Variants in ZBTB7C observed in about 807,000 individuals in gnomAD.
ZBTB7C encodes zinc finger and BTB domain-containing protein 7C.
A neutral mutation model predicts 25.7 loss-of-function variants in ZBTB7C; 8 were observed. That is an observed-to-expected ratio of 0.31 (90% CI 0.18 to 0.56). The LOEUF is 0.56. Among genes scored for constraint, ZBTB7C ranks in the 20% least tolerant of loss-of-function variants. ZBTB7C has a pLI of 0.91. For synonymous variants in ZBTB7C, 394 were observed against 369.0 expected (o/e 1.07, Z -0.78); for missense variants, 824 against 855.2 (o/e 0.96, Z 0.46).
chr18:48,069,049 C>T (rs75821923), intron 3 of ZBTB7C, among the ~76,000 whole-genome samples: 3,793 of 152,308 alleles, frequency 0.025, 90 homozygotes, highest in South Asian at 0.089. Context: ...CCAGGTAGGC[C>T]GCCTCTGCTC....
chr18:48,368,242 C>CAA lies in ZBTB7C; in HGVS notation c.-303-29846_-303-29845dup, dbSNP rs780636646. On this transcript the variant is annotated intron_variant, in intron 1 of 4. Transcript: ENST00000590800. ...ACCAATGAAAAGGAAGAAAGCCTAG[C>CAA]AAAAAAAAAAAAAAAATCAAATATA... Among the ~76,000 whole-genome samples the CAA allele has an allele frequency of 4.6e-3, 440 of 95,446 alleles. 5 individuals carry two copies. The highest frequency in any genetic ancestry group is 0.023 in the Admixed American group (218 of 9,492). 62.6% of individuals were successfully genotyped at this position (95,446 alleles called of 152,430 possible). A position where few individuals can be genotyped will look rare whatever the true frequency, so the allele number is the denominator to read the frequency against.
At chr18:48,186,200 G>A (rs1018399353) in intron 2 of ZBTB7C, among the ~76,000 whole-genome samples, 4 of 152,028 alleles carry the variant, frequency 2.6e-5, no homozygotes, top group South Asian at 2.1e-4. Flanking sequence ...CCGTGGGCTC[G>A]GCCCACGCTG....
chr18:48,166,686 C>T (rs1319343871), intron 3 of ZBTB7C, among the ~76,000 whole-genome samples: 1 of 152,194 alleles, frequency 6.6e-6, no homozygotes, highest in East Asian at 1.9e-4. Flanking sequence ...GGGAGACGGG[C>T]CAAGGAGTGA....
intron 2 of ZBTB7C, among the ~76,000 whole-genome samples, chr18:48,278,177 T>C (rs907584735): frequency 7.2e-5 from 11 of 152,228 alleles, no homozygotes; most frequent in African/African-American, 2.7e-4. Context: ...GCTTCCACTT[T>C]GCAGAGGCAG....
At chr18:48,363,521 T>C (rs1473841585) in intron 1 of ZBTB7C, among the ~76,000 whole-genome samples, 2 of 152,010 alleles carry the variant, frequency 1.3e-5, no homozygotes, top group Non-Finnish European at 2.9e-5. Flanking sequence ...TGGCTCTATC[T>C]CCAAGGCAAT....
intron 1 of ZBTB7C, 30 bp from the exon 2 acceptor site, chr18:48,338,428 C>T (rs77897320): frequency 0.031 from 4,787 of 152,380 alleles, 97 homozygotes; most frequent in South Asian, 0.097. Flanking sequence ...CTCCATCACC[C>T]ACCAGGGCCA....
intron 3 of ZBTB7C, among the ~76,000 whole-genome samples, chr18:48,077,432 G>A (rs952107885): frequency 5.9e-5 from 9 of 152,206 alleles, no homozygotes; most frequent in Admixed American, 3.9e-4. Context: ...CTCCGTCATT[G>A]AGAAACCCTG....
At chr18:48,134,249 A>G (rs1403882511) in intron 3 of ZBTB7C, among the ~76,000 whole-genome samples, 2 of 152,164 alleles carry the variant, frequency 1.3e-5, no homozygotes, top group African/African-American at 4.8e-5. Context: ...CACAAAAGTG[A>G]TAGTTAATTT....
At chr18:48,199,895 G>A (rs535830721) in intron 2 of ZBTB7C, among the ~76,000 whole-genome samples, 56 of 152,272 alleles carry the variant, frequency 3.7e-4, no homozygotes, top group African/African-American at 1.1e-3. Flanking sequence ...AGGCTTGAGC[G>A]CTATACTCAA....
intron 3 of ZBTB7C, among the ~76,000 whole-genome samples, chr18:48,092,349 G>A (rs750593543): frequency 1.3e-5 from 2 of 152,228 alleles, no homozygotes; most frequent in African/African-American, 2.4e-5. Context: ...GAGCAGCTGC[G>A]CTGGGCCCAA....
chr18:48,062,773 AG>A (rs1369441063), intron 3 of ZBTB7C, among the ~76,000 whole-genome samples: 1 of 152,236 alleles, frequency 6.6e-6, no homozygotes, highest in Non-Finnish European at 1.5e-5. Flanking sequence ...GAAGGCCTTA[AG>A]ATGTCAGGGC....
chr18:48,094,633 T>C (rs2038548262), intron 3 of ZBTB7C, among the ~76,000 whole-genome samples: 1 of 152,096 alleles, frequency 6.6e-6, no homozygotes, highest in South Asian at 2.1e-4. Flanking sequence ...TTCTCCCTTT[T>C]CTCATACACT....
At chr18:48,255,176 T>C (rs544072023) in intron 2 of ZBTB7C, among the ~76,000 whole-genome samples, 38 of 152,014 alleles carry the variant, frequency 2.5e-4, no homozygotes, top group Non-Finnish European at 4.6e-4. Flanking sequence ...CAATACAAAA[T>C]TACCAGATAT....
At chr18:48,101,444 T>G (rs781559084) in intron 3 of ZBTB7C, among the ~76,000 whole-genome samples, 6 of 152,202 alleles carry the variant, frequency 3.9e-5, no homozygotes, top group Non-Finnish European at 5.9e-5. Flanking sequence ...GTAATCAACA[T>G]TTTAAAAATG....
intron 2 of ZBTB7C, among the ~76,000 whole-genome samples, chr18:48,217,519 T>C (rs2042853790): frequency 6.6e-6 from 1 of 152,148 alleles, no homozygotes; most frequent in Non-Finnish European, 1.5e-5. Flanking sequence ...TCCTCTGCTC[T>C]ACACACCCCT....
intron 3 of ZBTB7C, among the ~76,000 whole-genome samples, chr18:48,167,597 T>TGTGTGTGTGTGTGTGTGTGCGC (rs779870966): frequency 1.5e-4 from 22 of 148,042 alleles, no homozygotes; most frequent in Admixed American, 7.3e-4. Flanking sequence ...TGTGTGTGTG[T>TGTGTGTGTGTGTGTGTGTGCGC]GCGCGCGTGC....
intron 3 of ZBTB7C, among the ~76,000 whole-genome samples, chr18:48,065,636 G>A (rs1182023134): frequency 6.6e-6 from 1 of 152,180 alleles, no homozygotes; most frequent in East Asian, 1.9e-4. Flanking sequence ...GAGGCATGAA[G>A]GGGCAAAGCC....
At position 48,041,131 on chromosome 18, in the gene ZBTB7C, G is replaced by C. The variant is rs776766026; in HGVS notation, c.-16-8C>G. 2.5e-6 allele frequency: 4 copies of C among 1,569,330 alleles called. No individual in the cohort carries two copies. Among genetic ancestry groups the C allele is most frequent in the African/African-American group, 1.3e-5 (1 of 74,270 alleles). ...ATGTTCTCAGCCAGAGCCCTGCAGAGACACACAGAGAAGAAGACTGGGTTA... is the reference window on the plus strand; with the variant it reads ...ATGTTCTCAGCCAGAGCCCTGCAGACACACACAGAGAAGAAGACTGGGTTA... On this transcript the variant is annotated splice_polypyrimidine_tract_variant and splice_region_variant and intron_variant, in intron 3 of 4. Coordinates refer to ENST00000590800, the MANE Select transcript of ZBTB7C (RefSeq NM_001318841.2).
intron 2 of ZBTB7C, among the ~76,000 whole-genome samples, chr18:48,200,832 T>C (rs2042426913): frequency 6.6e-6 from 1 of 152,196 alleles, no homozygotes. Context: ...GGGCTCTCTA[T>C]GGGGAAGCTG....
Sources: allele counts gnomAD v4.1 joint callset (sites outside exome capture counted in the v4.1 genomes callset), GRCh38; gene constraint gnomAD v4.1.1; transcripts MANE v1.5; gene names NCBI Gene and HGNC (gene_info 2026-07-23, HGNC 2026-07-21).